The following H6PD variants were observed in gnomAD, a reference collection of about 807,000 sequenced individuals.
H6PD encodes the protein hexose-6-phosphate dehydrogenase/glucose 1-dehydrogenase, also known as GDH/6PGL endoplasmic bifunctional protein.
A neutral mutation model predicts 61.2 loss-of-function variants in H6PD; 48 were observed. That is an observed-to-expected ratio of 0.78 (90% CI 0.62 to 1.00). H6PD has a LOEUF of 1.00. Ranked by LOEUF, H6PD falls within the 50% of genes least tolerant of loss-of-function variation. The pLI is 0.00. For missense variants in H6PD, 1,093 were observed against 1,065.0 expected, an observed-to-expected ratio of 1.03 and a Z score of -0.37; for synonymous variants, 480 against 457.9, an observed-to-expected ratio of 1.05 and a Z score of -0.62.
At position 9,234,981 on chromosome 1, in the gene H6PD, A is replaced by C. The variant is rs1296484926; in HGVS notation, c.-96A>C. On this transcript the variant is annotated 5_prime_UTR_variant, in exon 1 of 5. Transcript: ENST00000377403. The stretch of plus-strand genomic sequence containing the variant: ...GAAGAGGAGGTGCGGCCCAGGGCGC[A>C]GGGGAGCCCTCGGGAGCGGGCCCGG... 2 of 147,786 alleles carry C rather than the reference A, an allele frequency of 1.4e-5. No homozygotes were observed. The highest frequency in any genetic ancestry group is 1.3e-4 in the Admixed American group (2 of 14,910). The allele number at this position is 147,786 out of a possible 1,614,324, so 9.2% of individuals were successfully genotyped here.
At chr1:9,242,670 GCTC>G in intron 1 of H6PD, 5 of 985,460 alleles carry the variant, frequency 5.1e-6, no homozygotes, top group Non-Finnish European at 6.0e-6. Context: ...GGCCCTTGGG[GCTC>G]CCCCACCTGC....
At chr1:9,240,789 C>G (rs192445220) in intron 1 of H6PD, among the ~76,000 whole-genome samples, 3 of 152,188 alleles carry the variant, frequency 2.0e-5, no homozygotes, top group African/African-American at 7.2e-5. Context: ...ACAGCCCATT[C>G]CTCTCAGAGC....
rs1232336166 is a variant in H6PD, at chr1:9,264,409, A to T, written c.1916A>T (p.His639Leu). 1 of 1,612,556 alleles carries T rather than the reference A, an allele frequency of 6.2e-7. No homozygotes were observed. The highest frequency in any genetic ancestry group is 8.5e-7 in the Non-Finnish European group (1 of 1,179,678). ...PESNFQGLQA[H>L]LLQHVRIPYY... ...TCCAACTTCCAGGGCCTGCAGGCCC[A>T]CCTGCTGCAGCACGTCCGGATCCCC... is the stretch of plus-strand genomic sequence containing the variant. Residue 639 changes from histidine (H) to leucine (L), a missense_variant, in exon 5 of 5, where the codon CAC (histidine) becomes CTC (leucine). Coordinates refer to ENST00000377403, the MANE Select transcript of H6PD (RefSeq NM_004285.4).
rs1022563148 is a variant in H6PD, at chr1:9,267,291, G to A, written c.*2422G>A. 6.6e-6 allele frequency: 1 copy of A among 152,356 alleles called. No homozygotes were observed. The highest frequency in any genetic ancestry group is 1.5e-5 in the Non-Finnish European group (1 of 68,176). The allele number at this position is 152,356 out of a possible 1,614,324, so 9.4% of individuals were successfully genotyped here. A position where few individuals can be genotyped will look rare whatever the true frequency, so the allele number is the denominator to read the frequency against. ...AAGTTCCACAGCTGGCCGCGTGGGG[G>A]GGCCCTTGCACCGCACTGCCGCCTC... On this transcript the variant is annotated 3_prime_UTR_variant, in exon 5 of 5. Transcript: ENST00000377403.
At chr1:9,253,561 A>G (rs544153239) in intron 3 of H6PD, among the ~76,000 whole-genome samples, 98 of 152,098 alleles carry the variant, frequency 6.4e-4, no homozygotes, top group African/African-American at 2.3e-3. Context: ...GGAACTGGAA[A>G]CCCTTTTCTT....
At chr1:9,257,958 G>C (rs1641571474) in intron 3 of H6PD, among the ~76,000 whole-genome samples, 1 of 152,272 alleles carries the variant, frequency 6.6e-6, no homozygotes, top group African/African-American at 2.4e-5. Flanking sequence ...CCGATAATCA[G>C]TGCTCACCGG....
Position 9,264,221 on chromosome 1 carries a change from G to A in H6PD, c.1728G>A (p.Val576=). The A allele has an allele frequency of 1.2e-6, 2 of 1,610,308 alleles. No individual in the cohort carries two copies. The highest frequency in any genetic ancestry group is 1.7e-6 in the Non-Finnish European group (2 of 1,178,880). The change falls in exon 5 of 5, where the codon GTG becomes GTA. Residue 576 remains valine (V), a synonymous_variant. Coordinates refer to ENST00000377403, the MANE Select transcript of H6PD (RefSeq NM_004285.4). The part of the protein sequence containing the change: ...KLANDIEATA[V]RAVRRFGQFH... ...CTAATGACATCGAGGCCACCGCTGT[G>A]CGAGCCGTGCGGCGCTTTGGCCAGT...
At chr1:9,259,823 T>C (rs886416909) in intron 3 of H6PD, among the ~76,000 whole-genome samples, 1 of 125,222 alleles carries the variant, frequency 8.0e-6, no homozygotes, top group South Asian at 2.6e-4. Flanking sequence ...TGGTGTTATG[T>C]TGTTATGCTG....
chr1:9,251,493 TC>T (rs1641361985), intron 3 of H6PD, among the ~76,000 whole-genome samples: 1 of 152,052 alleles, frequency 6.6e-6, no homozygotes, highest in African/African-American at 2.4e-5. Context: ...GAGGGAGACT[TC>T]CTGAGGACAT....
rs762157519 is a variant in H6PD at position 9,239,306 on chromosome 1, C to CA, written c.-11+4243dup. ...AAGTAGTCCTCCCGTCTCAGTCTCC[C>CA]AAAGTGCTGGGATTACAGGACAGGT... On this transcript the variant is annotated intron_variant, in intron 1 of 4. Coordinates refer to ENST00000377403, the MANE Select transcript of H6PD (RefSeq NM_004285.4). Among the ~76,000 whole-genome samples, 7 of 152,280 alleles carry CA rather than the reference C, an allele frequency of 4.6e-5. No individual in the cohort carries two copies. The East Asian group carries it at 1.4e-3, about 29-fold the overall frequency.
At position 9,245,354 on chromosome 1, in the gene H6PD, C is replaced by A; in HGVS notation, c.420C>A (p.Phe140Leu). 6.2e-7 allele frequency: 1 copy of A among 1,614,156 alleles called. No homozygotes were observed. Among genetic ancestry groups the A allele is most frequent in the Non-Finnish European group, 8.5e-7 (1 of 1,179,984 alleles). The change falls in exon 2 of 5, where the codon TTC becomes TTA. Residue 140 changes from phenylalanine (F) to leucine (L), a missense_variant. Phe to Leu is a conservative substitution (Grantham distance 22, BLOSUM62 0). Coordinates refer to ENST00000377403, the MANE Select transcript of H6PD (RefSeq NM_004285.4). The surrounding 1 kb of genome is among the most constrained non-coding windows in gnomAD (Gnocchi z 4.8). ...GCCTCCGGGAGGCTGGCAGGATCTT[C>A]TACTTCTCAGTGCCACCCTTCGCCT... Reference protein sequence around the residue: ...HAGLREAGRIFYFSVPPFAYE... With the variant: ...HAGLREAGRILYFSVPPFAYE...
Position 9,258,495 on chromosome 1 carries a change from G to C in H6PD, c.746-3564G>C, listed in dbSNP as rs889025259. Among the ~76,000 whole-genome samples, 5 of 151,904 alleles carry C rather than the reference G, an allele frequency of 3.3e-5. No homozygotes were observed. The East Asian group carries it at 9.7e-4, about 29-fold the overall frequency. On this transcript the variant is annotated intron_variant, in intron 3 of 4. Coordinates refer to ENST00000377403, the MANE Select transcript of H6PD (RefSeq NM_004285.4). Reference sequence around the variant, plus strand: ...CACCGGTGTTGTACACCATTGTTATGCCGGTGTTGTGTTGTTACACTGGTG... The same window carrying C: ...CACCGGTGTTGTACACCATTGTTATCCCGGTGTTGTGTTGTTACACTGGTG...
intron 3 of H6PD, among the ~76,000 whole-genome samples, chr1:9,256,769 G>A (rs1274143587): frequency 2.6e-5 from 4 of 152,148 alleles, no homozygotes; most frequent in East Asian, 1.9e-4. Flanking sequence ...CCTACCACCC[G>A]TTTTTAAAAA....
In H6PD at chr1:9,264,055, T is replaced by C; in HGVS notation, c.1562T>C (p.Phe521Ser). The C allele has an allele frequency of 1.2e-6, 2 of 1,614,140 alleles. No homozygotes were observed. Among genetic ancestry groups the C allele is most frequent in the Middle Eastern group, 1.7e-4 (1 of 6,060 alleles). Residue 521 changes from phenylalanine (F) to serine (S), a missense_variant, in exon 5 of 5, where the codon TTC becomes TCC. Coordinates refer to ENST00000377403, the MANE Select transcript of H6PD (RefSeq NM_004285.4). ...TTTGAGTTCAGTAGCGGCCGGTTGT[T>C]CTTTTCCCAGCAGCAGCCGGAGCAG... ...LDFEFSSGRL[F>S]FSQQQPEQLV...
At chr1:9,235,203 A>G (rs2100296345) in intron 1 of H6PD, 137 bp downstream of exon 1, 1 of 152,030 alleles carries the variant, frequency 6.6e-6, no homozygotes, top group African/African-American at 2.4e-5. Flanking sequence ...CGGCTTTGGA[A>G]CTGCTCAGGA....
intron 3 of H6PD, among the ~76,000 whole-genome samples, chr1:9,256,550 C>A (rs1224532277): frequency 6.6e-6 from 1 of 152,206 alleles, no homozygotes; most frequent in African/African-American, 2.4e-5. Flanking sequence ...GTGCACACCA[C>A]CAACCTGGTC....
chr1:9,258,221 CTGT>C (rs1570112233), intron 3 of H6PD, among the ~76,000 whole-genome samples: 1 of 151,868 alleles, frequency 6.6e-6, no homozygotes, highest in Non-Finnish European at 1.5e-5. Context: ...TGTTATGTTG[CTGT>C]TGTTACGCTG....
intron 1 of H6PD, among the ~76,000 whole-genome samples, chr1:9,235,887 C>T (rs1640836975): frequency 6.6e-6 from 1 of 152,244 alleles, no homozygotes; most frequent in African/African-American, 2.4e-5. Context: ...GTTGGGATTA[C>T]AGGTGTGAAG....
chr1:9,248,637 A>G lies in H6PD; in HGVS notation c.745+1554A>G, dbSNP rs1448028583. 7.1e-5 allele frequency among the ~76,000 whole-genome samples: 10 copies of G among 141,780 alleles called. No homozygotes were observed. In the Admixed American group the frequency reaches 7.1e-4, roughly 10 times the overall value. The allele number at this position is 141,780 out of a possible 152,430, so 93.0% of individuals were successfully genotyped here. A position where few individuals can be genotyped will look rare whatever the true frequency, so the allele number is the denominator to read the frequency against. The stretch of plus-strand genomic sequence containing the variant: ...CATAGTGAGCCTCCGTCTCTGAAAA[A>G]GAAAACAAAATGGGTGATGGGTGTT... On this transcript the variant is annotated intron_variant, in intron 3 of 4. Coordinates refer to ENST00000377403, the MANE Select transcript of H6PD (RefSeq NM_004285.4).
Sources: gnomAD v4.1 joint callset for allele counts (sites outside exome capture counted in the v4.1 genomes callset) on GRCh38, gnomAD v4.1.1 for gene constraint, Gnocchi (gnomAD v3.1) non-coding constraint, MANE v1.5 for transcripts, NCBI Gene and HGNC (gene_info 2026-07-23, HGNC 2026-07-21) for gene names.